Variants in MACROD2 observed in about 807,000 individuals in gnomAD.
MACROD2 encodes the protein ADP-ribose glycohydrolase MACROD2.
A neutral mutation model predicts 70.4 loss-of-function variants in MACROD2; 36 were observed. That is an observed-to-expected ratio of 0.51 (90% confidence interval 0.39 to 0.68). MACROD2 has a LOEUF of 0.68. MACROD2 is among the 30% of genes least tolerant of loss of function. The probability of loss-of-function intolerance (pLI) is 0.00; values close to 1 mark genes in which losing one functional copy is unlikely to be tolerated. For synonymous variants in MACROD2, 172 were observed against 178.8 expected, an observed-to-expected ratio of 0.96 and a Z score of 0.30; for missense variants, 496 against 538.4, an observed-to-expected ratio of 0.92 and a Z score of 0.78.
chr20:15,524,145 G>A (rs1366940175), intron 8 of MACROD2, among the ~76,000 whole-genome samples: 21 of 152,118 alleles, frequency 1.4e-4, no homozygotes, highest in Non-Finnish European at 1.9e-4. Context: ...TATTTACACC[G>A]AGGTCCTTGT....
intron 8 of MACROD2, among the ~76,000 whole-genome samples, chr20:15,657,959 C>G (rs192488168): frequency 6.6e-6 from 1 of 152,190 alleles, no homozygotes; most frequent in African/African-American, 2.4e-5. Context: ...AGCCATTGCA[C>G]TCCAGCCTGG....
chr20:15,164,062 G>C (rs904517924), intron 5 of MACROD2, among the ~76,000 whole-genome samples: 2 of 152,002 alleles, frequency 1.3e-5, no homozygotes, highest in Non-Finnish European at 2.9e-5. Context: ...AAAAAAATCA[G>C]AGAAAATAAC....
intron 8 of MACROD2, among the ~76,000 whole-genome samples, chr20:15,568,938 C>G (rs2048343296): frequency 6.6e-6 from 1 of 152,118 alleles, no homozygotes; most frequent in Non-Finnish European, 1.5e-5. Flanking sequence ...ATTAAGGGGC[C>G]TCCTCATCCA....
intron 6 of MACROD2, among the ~76,000 whole-genome samples, chr20:15,243,785 G>C (rs2077081363): frequency 6.6e-6 from 1 of 152,006 alleles, no homozygotes; most frequent in South Asian, 2.1e-4. Flanking sequence ...AATTAGCGGG[G>C]CGTAGTGGCG....
chr20:15,835,563 T>C (rs1486111207), intron 8 of MACROD2, among the ~76,000 whole-genome samples: 1 of 152,134 alleles, frequency 6.6e-6, no homozygotes, highest in Non-Finnish European at 1.5e-5. Context: ...GGTATGTTGT[T>C]AAAACACTAA....
At chr20:14,624,277 CACA>C (rs1354978131) in intron 4 of MACROD2, among the ~76,000 whole-genome samples, 2 of 152,152 alleles carry the variant, frequency 1.3e-5, no homozygotes, top group Admixed American at 6.6e-5. Flanking sequence ...AAGAAGGAAA[CACA>C]ACATCTGACA....
chr20:15,324,741 G>C (rs938091501), intron 6 of MACROD2, among the ~76,000 whole-genome samples: 4 of 152,100 alleles, frequency 2.6e-5, no homozygotes, highest in Admixed American at 1.3e-4. Context: ...AAATCCCACT[G>C]TCAAAGTCAT....
intron 8 of MACROD2, among the ~76,000 whole-genome samples, chr20:15,582,059 T>A (rs902730703): frequency 1.3e-5 from 2 of 151,148 alleles, no homozygotes; most frequent in African/African-American, 4.9e-5. Flanking sequence ...GAGGCCAAGG[T>A]TGCACTGAGC....
chr20:14,214,573 A>G (rs1354151096), intron 3 of MACROD2, among the ~76,000 whole-genome samples: 1 of 145,962 alleles, frequency 6.9e-6, no homozygotes, highest in Non-Finnish European at 1.5e-5. Context: ...CTGAGAAGTT[A>G]TCCAGCAATG....
intron 8 of MACROD2, among the ~76,000 whole-genome samples, chr20:15,803,982 T>C (rs1320923155): frequency 6.6e-6 from 1 of 152,242 alleles, no homozygotes; most frequent in South Asian, 2.1e-4. Context: ...GTTTAAAAGA[T>C]TTTAGACTCC....
intron 5 of MACROD2, among the ~76,000 whole-genome samples, chr20:15,043,111 C>G (rs1196424667): frequency 6.6e-6 from 1 of 152,166 alleles, no homozygotes; most frequent in South Asian, 2.1e-4. Flanking sequence ...TAGCAAACCT[C>G]CTGCTGCTTT....
intron 5 of MACROD2, among the ~76,000 whole-genome samples, chr20:15,081,451 G>T (rs972447112): frequency 1.3e-5 from 2 of 152,110 alleles, no homozygotes; most frequent in Non-Finnish European, 2.9e-5. Context: ...TTTTCTGCTA[G>T]TTCCAATAAT....
At chr20:14,589,072 C>T (rs1437736200) in intron 4 of MACROD2, among the ~76,000 whole-genome samples, 1 of 152,030 alleles carries the variant, frequency 6.6e-6, no homozygotes, top group East Asian at 1.9e-4. Context: ...TTTGAAATCC[C>T]AATTTGAAGA....
intron 8 of MACROD2, among the ~76,000 whole-genome samples, chr20:15,636,720 A>G (rs2049375898): frequency 6.6e-6 from 1 of 152,066 alleles, no homozygotes; most frequent in Admixed American, 6.5e-5. Flanking sequence ...AGACTCAGTT[A>G]CCTGGACTGA....
chr20:15,887,848 C>T (rs1409464389), intron 10 of MACROD2, among the ~76,000 whole-genome samples: 2 of 152,060 alleles, frequency 1.3e-5, no homozygotes, highest in African/African-American at 2.4e-5. Flanking sequence ...GGATATTTTA[C>T]ATTCTTCTTT....
chr20:14,826,262 C>G (rs148879140), intron 5 of MACROD2, among the ~76,000 whole-genome samples: 7 of 151,736 alleles, frequency 4.6e-5, no homozygotes, highest in Non-Finnish European at 7.4e-5. Context: ...ACCCACAATA[C>G]CCATGCATTG....
intron 5 of MACROD2, among the ~76,000 whole-genome samples, chr20:15,085,147 G>T (rs1402093739): frequency 6.6e-6 from 1 of 152,132 alleles, no homozygotes; most frequent in Non-Finnish European, 1.5e-5. Flanking sequence ...AAACAATTCA[G>T]TAGAGGAAAG....
chr20:14,892,283 C>T (rs926427658), intron 5 of MACROD2, among the ~76,000 whole-genome samples: 2 of 152,044 alleles, frequency 1.3e-5, no homozygotes, highest in Admixed American at 6.5e-5. Flanking sequence ...ACCAGTCTGG[C>T]CAACATGGTG....
Position 15,905,115 on chromosome 20 carries a change from T to C in MACROD2, c.775+19304T>C, listed in dbSNP as rs142894103. ...AAACCATCATATTCATGAAAATTGA[T>C]TCTTTATGAGCTCTTTTCTTCATGC... On this transcript the variant is annotated intron_variant, in intron 10 of 17. Coordinates refer to ENST00000684519, the MANE Select transcript of MACROD2 (RefSeq NM_001351661.2). Among the ~76,000 whole-genome samples, 444 of 152,312 alleles carry C rather than the reference T, an allele frequency of 2.9e-3. 1 individual carries two copies. The highest frequency in any genetic ancestry group is 0.01 in the African/African-American group (428 of 41,572).
Sources: gnomAD v4.1 joint callset for allele counts (sites outside exome capture counted in the v4.1 genomes callset) on GRCh38, gnomAD v4.1.1 for gene constraint, MANE v1.5 for transcripts, NCBI Gene and HGNC (gene_info 2026-07-23, HGNC 2026-07-21) for gene names.